Variants in NUP50 observed in about 807,000 individuals in gnomAD.
The protein encoded by NUP50 is nuclear pore complex protein Nup50.
In NUP50, 14 loss-of-function variants were observed where a neutral mutation model predicts 36.8. That is an observed-to-expected ratio of 0.38 (90% confidence interval 0.25 to 0.59). The LOEUF is 0.59. Among genes scored for constraint, NUP50 ranks in the 20% least tolerant of loss-of-function variants. The pLI is 0.63. For missense variants in NUP50, 455 were observed against 564.6 expected, an observed-to-expected ratio of 0.81 and a Z score of 1.97; for synonymous variants, 195 against 210.8, an observed-to-expected ratio of 0.93 and a Z score of 0.65.
chr22:45,187,164 G>A lies in NUP50; in HGVS notation c.*2509G>A, dbSNP rs2083456658. Reference sequence around the variant, plus strand: ...TGGACAAATACTAAATATCCCAGTGGCCTTTTTTTTTTTTTTTTTAAAACC... The same window carrying A: ...TGGACAAATACTAAATATCCCAGTGACCTTTTTTTTTTTTTTTTTAAAACC... On this transcript the variant is annotated 3_prime_UTR_variant, in exon 8 of 8. Transcript: ENST00000347635. 1 of 120,196 alleles carries A rather than the reference G, an allele frequency of 8.3e-6. No homozygotes were observed. Among genetic ancestry groups the A allele is most frequent in the Admixed American group, 9.2e-5 (1 of 10,838 alleles). 7.4% of individuals were successfully genotyped at this position (120,196 alleles called of 1,614,324 possible). A position where few individuals can be genotyped will look rare whatever the true frequency, so the allele number is the denominator to read the frequency against.
At chr22:45,180,972 TAG>T (rs1411866298) in intron 5 of NUP50, among the ~76,000 whole-genome samples, 12 of 148,664 alleles carry the variant, frequency 8.1e-5, no homozygotes, top group African/African-American at 3.0e-4. Flanking sequence ...AATTTGCATA[TAG>T]AGTGTTGATT....
intron 6 of NUP50, among the ~76,000 whole-genome samples, chr22:45,182,534 TTTG>T (rs527890904): frequency 3.2e-4 from 49 of 152,234 alleles, no homozygotes; most frequent in South Asian, 2.9e-3. Context: ...ATTTGATTAC[TTTG>T]TTATTAGTTA....
chr22:45,164,159 G>C lies in NUP50; in HGVS notation c.-148G>C, dbSNP rs1369174537. 2 of 152,336 alleles carry C rather than the reference G, an allele frequency of 1.3e-5. No individual in the cohort carries two copies. Among genetic ancestry groups the C allele is most frequent in the South Asian group, 4.1e-4 (2 of 4,830 alleles). The allele number at this position is 152,336 out of a possible 1,614,324, so 9.4% of individuals were successfully genotyped here. A position where few individuals can be genotyped will look rare whatever the true frequency, so the allele number is the denominator to read the frequency against. On this transcript the variant is annotated 5_prime_UTR_variant, in exon 1 of 8. Coordinates refer to ENST00000347635, the MANE Select transcript of NUP50 (RefSeq NM_007172.4). ...GGGCTTGCCGAGCACTAAGTCCTCT[G>C]AGTTCCGCAGCGCAGCACCGGAAGC...
At position 45,183,513 on chromosome 22, in the gene NUP50, C is replaced by G; in HGVS notation, c.1197C>G (p.Thr399=). The G allele has an allele frequency of 1.3e-6, 2 of 1,596,302 alleles. No individual in the cohort carries two copies. The highest frequency in any genetic ancestry group is 2.2e-5 in the South Asian group (2 of 90,698). ...QKTQLLVRAD[T]NLGNILLNVL... is the part of the protein sequence containing the mutation. Reference sequence around the variant, plus strand: ...CACAGCTTTTGGTGCGGGCAGACACCAATTTAGGTGGGTACCTTTTTTCAG... The same window carrying G: ...CACAGCTTTTGGTGCGGGCAGACACGAATTTAGGTGGGTACCTTTTTTCAG... Residue 399 remains threonine, a synonymous_variant, in exon 7 of 8, where the codon ACC becomes ACG. Coordinates refer to ENST00000347635, the MANE Select transcript of NUP50 (RefSeq NM_007172.4).
chr22:45,175,764 C>T (rs1256184665), intron 3 of NUP50, 130 bp from the exon 4 acceptor site: 5 of 662,074 alleles, frequency 7.6e-6, no homozygotes, highest in Admixed American at 3.2e-5. Flanking sequence ...CTTGTGCCAG[C>T]AGTTTGCCTT....
chr22:45,174,079 T>C (rs1188794507), intron 3 of NUP50, among the ~76,000 whole-genome samples: 1 of 152,120 alleles, frequency 6.6e-6, no homozygotes, highest in African/African-American at 2.4e-5. Context: ...ATAGTATTAA[T>C]TTTTCCTCTG....
intron 5 of NUP50, among the ~76,000 whole-genome samples, chr22:45,180,000 T>G (rs2074340859): frequency 6.6e-6 from 1 of 152,256 alleles, no homozygotes; most frequent in African/African-American, 2.4e-5. Flanking sequence ...AGACTTCCAT[T>G]ACTGTTTTGC....
At chr22:45,179,334 G>A (rs2074329979) in intron 5 of NUP50, 2 of 157,140 alleles carry the variant, frequency 1.3e-5, no homozygotes, top group South Asian at 3.9e-4. Flanking sequence ...CATTACAAAT[G>A]TAGACTTTTC....
At chr22:45,175,843 T>A (rs778744955) in intron 3 of NUP50, 51 bp from the exon 4 acceptor site, 1 of 1,583,058 alleles carries the variant, frequency 6.3e-7, no homozygotes, top group African/African-American at 1.4e-5. Context: ...ACTTGCTTTT[T>A]GGTAATAGAA....
At chr22:45,180,946 G>A (rs1227367371) in intron 5 of NUP50, among the ~76,000 whole-genome samples, 1 of 151,992 alleles carries the variant, frequency 6.6e-6, no homozygotes, top group Non-Finnish European at 1.5e-5. Flanking sequence ...ATCCGAGATG[G>A]AATTTTCCAG....
chr22:45,175,799 T>A (rs1380017615), intron 3 of NUP50, 95 bp from the exon 4 acceptor site: 12 of 1,173,424 alleles, frequency 1.0e-5, no homozygotes, highest in Non-Finnish European at 1.5e-5. Flanking sequence ...ATGTGGAGTC[T>A]AGGTGCTGTT....
chr22:45,165,350 C>T (rs1423417817), intron 1 of NUP50, among the ~76,000 whole-genome samples: 1 of 152,214 alleles, frequency 6.6e-6, no homozygotes, highest in Non-Finnish European at 1.5e-5. Context: ...ATTCTCCTGC[C>T]TCAGCTTTCC....
intron 7 of NUP50, 140 bp downstream of exon 7, chr22:45,183,660 G>A: frequency 1.5e-6 from 1 of 646,338 alleles, no homozygotes; most frequent in South Asian, 1.8e-5. Flanking sequence ...CTTATTTATA[G>A]TTTTGAGTCC....
rs1393987615 is a variant in NUP50, at chr22:45,184,951, TCAGGG to T, written c.*297_*301del. The T allele has an allele frequency of 1.0e-5, 4 of 400,720 alleles. No individual in the cohort carries two copies. Among genetic ancestry groups the T allele is most frequent in the African/African-American group, 2.1e-5 (1 of 48,740 alleles). The allele number at this position is 400,720 out of a possible 1,614,324, so 24.8% of individuals were successfully genotyped here. On this transcript the variant is annotated 3_prime_UTR_variant, in exon 8 of 8. Transcript: ENST00000347635. ...TAAGTGATTTCTTCAAGGACTGCAA[TCAGGG>T]TATCAATTTGCTTTCCCAAAGGCTC...
At chr22:45,171,560 G>C (rs746765579) in intron 2 of NUP50, 40 bp from the exon 3 acceptor site, 31 of 1,524,312 alleles carry the variant, frequency 2.0e-5, no homozygotes, top group Non-Finnish European at 2.8e-5. Flanking sequence ...TCATCTGTTT[G>C]GCTTTATCTT....
At chr22:45,170,909 G>GC (rs1189241925) in intron 2 of NUP50, 1 of 1,102,582 alleles carries the variant, frequency 9.1e-7, no homozygotes, top group African/African-American at 1.6e-5. Flanking sequence ...GAGTGTAGGA[G>GC]CCCGTTAAGT....
At chr22:45,170,433 C>G (rs998612870) in intron 2 of NUP50, among the ~76,000 whole-genome samples, 1 of 152,176 alleles carries the variant, frequency 6.6e-6, no homozygotes, top group Non-Finnish European at 1.5e-5. Context: ...TCTGTAACCA[C>G]GACTTTCAGG....
Position 45,184,956 on chromosome 22 carries a change from G to T in NUP50, c.*301G>T, listed in dbSNP as rs1018359514. ...GATTTCTTCAAGGACTGCAATCAGGGTATCAATTTGCTTTCCCAAAGGCTC... is the reference window on the plus strand; with the variant it reads ...GATTTCTTCAAGGACTGCAATCAGGTTATCAATTTGCTTTCCCAAAGGCTC... On this transcript the variant is annotated 3_prime_UTR_variant, in exon 8 of 8. Transcript: ENST00000347635. 4 of 363,184 alleles carry T rather than the reference G, an allele frequency of 1.1e-5. No homozygotes were observed. Among genetic ancestry groups the T allele is most frequent in the East Asian group, 6.7e-5 (1 of 14,880 alleles). The allele number at this position is 363,184 out of a possible 1,614,324, so 22.5% of individuals were successfully genotyped here.
chr22:45,178,396 G>C lies in NUP50; in HGVS notation c.499G>C (p.Val167Leu), dbSNP rs926954823. Residue 167 changes from valine (V) to leucine (L), a missense_variant, in exon 5 of 8, where the codon GTG becomes CTG. Physicochemically the swap from Val to Leu is conservative, Grantham distance 32 (BLOSUM62 1). Transcript: ENST00000347635. The stretch of plus-strand genomic sequence containing the variant: ...GCAGTTGGCCGCCTTGAACTGCTCC[G>C]TGCGGGATTGGATAGTGAAGCACGT... ...HKQLAALNCSVRDWIVKHVNT... is the reference protein window; with the variant it reads ...HKQLAALNCSLRDWIVKHVNT... The C allele has an allele frequency of 1.9e-6, 3 of 1,613,864 alleles. No homozygotes were observed. Among genetic ancestry groups the C allele is most frequent in the Non-Finnish European group, 2.5e-6 (3 of 1,179,824 alleles).
Sources: gnomAD v4.1 joint callset for allele counts (sites outside exome capture counted in the v4.1 genomes callset) on GRCh38, gnomAD v4.1.1 for gene constraint, MANE v1.5 for transcripts, NCBI Gene and HGNC (gene_info 2026-07-23, HGNC 2026-07-21) for gene names.